GLB1L: variants seen among roughly 807,000 people sequenced by gnomAD.
The protein encoded by GLB1L is beta-galactosidase-1-like protein.
Under a neutral mutation model 75.7 loss-of-function variants are expected in GLB1L, and 58 were observed. The observed-to-expected ratio is 0.77, with a 90% confidence interval of 0.62 to 0.95. The LOEUF (loss-of-function observed/expected upper bound fraction) is 0.95, where lower values mean the gene tolerates loss of function less well. GLB1L is among the 40% of genes least tolerant of loss of function. The pLI, the probability that GLB1L is intolerant of heterozygous loss-of-function variation, is 0.00. For synonymous variants in GLB1L, 296 were observed against 303.0 expected, an observed-to-expected ratio of 0.98 and a Z score of 0.24; for missense variants, 797 against 805.5, an observed-to-expected ratio of 0.99 and a Z score of 0.13.
chr2:219,243,736 GT>G (rs1186549050), intron 1 of GLB1L, 93 bp from the exon 2 acceptor site: 1 of 638,898 alleles, frequency 1.6e-6, no homozygotes, highest in African/African-American at 1.8e-5. Flanking sequence ...TACTCTACTA[GT>G]TTGTAAAATT....
chr2:219,239,944 A>G lies in GLB1L; in HGVS notation c.697T>C (p.Tyr233His). The G allele has an allele frequency of 2.5e-6, 4 of 1,614,162 alleles. No individual in the cohort carries two copies. The highest frequency in any genetic ancestry group is 3.4e-6 in the Non-Finnish European group (4 of 1,180,046). Residue 233 changes from tyrosine (Y) to histidine (H), a missense_variant, in exon 7 of 17, where the codon TAT becomes CAT. Physicochemically the swap from Tyr to His is moderately conservative, Grantham distance 83. Transcript: ENST00000295759. ...GLKCGSLRGL[Y>H]TTVDFGPADN... is the part of the protein sequence containing the mutation. The stretch of plus-strand genomic sequence containing the variant: ...CCTGGGCCAAAATCTACAGTGGTAT[A>G]GAGTCCCCGGAGGGAGCCACACTTG...
Position 219,240,186 on chromosome 2 carries a change from T to C in GLB1L, c.546+5A>G. On this transcript the variant is annotated splice_donor_5th_base_variant and intron_variant, in intron 6 of 16. Transcript: ENST00000295759. ...TCCCCTGCTCCAGTCACTTCCCCCT[T>C]GTACCTGAATGCTAATGATGTTGCC... 5.0e-6 allele frequency: 8 copies of C among 1,613,914 alleles called. No homozygotes were observed. Among genetic ancestry groups the C allele is most frequent in the Non-Finnish European group, 6.8e-6 (8 of 1,179,766 alleles).
intron 16 of GLB1L, 61 bp from the exon 17 acceptor site, chr2:219,237,408 C>A: frequency 6.3e-7 from 1 of 1,598,598 alleles, no homozygotes; most frequent in African/African-American, 1.3e-5. Context: ...GGGGTAGAAT[C>A]ATACCCTTTT....
In GLB1L at chr2:219,239,188, G is replaced by A. The variant is rs760567051; in HGVS notation, c.966C>T (p.Phe322=). ...AGTCATAGCTGGTAGTAATCGGAAGGAAGCGTCCCTTCTTATCGGCACCTG... is the reference window on the plus strand; with the variant it reads ...AGTCATAGCTGGTAGTAATCGGAAGAAAGCGTCCCTTCTTATCGGCACCTG... ...YWNGADKKGR[F]LPITTSYDYD... Residue 322 remains phenylalanine (F), a synonymous_variant, in exon 11 of 17, where the codon TTC becomes TTT. Coordinates refer to ENST00000295759, the MANE Select transcript of GLB1L (RefSeq NM_001286423.2). 2.5e-6 allele frequency: 4 copies of A among 1,613,288 alleles called. No homozygotes were observed. The South Asian group carries it at 3.3e-5, about 13-fold the overall frequency.
Position 219,237,677 on chromosome 2 carries a change from C to G in GLB1L, c.1524G>C (p.Met508Ile). The G allele has an allele frequency of 6.2e-7, 1 of 1,614,226 alleles. No individual in the cohort carries two copies. The highest frequency in any genetic ancestry group is 8.5e-7 in the Non-Finnish European group (1 of 1,180,046). Residue 508 changes from methionine (M) to isoleucine (I), a missense_variant, in exon 16 of 17, where the codon ATG (methionine) becomes ATC (isoleucine). Met to Ile is a conservative substitution (Grantham distance 10). Coordinates refer to ENST00000295759, the MANE Select transcript of GLB1L (RefSeq NM_001286423.2). ...ILGQTILTQWMMFPLKIDNLV... is the reference protein window; with the variant it reads ...ILGQTILTQWIMFPLKIDNLV... ...GGTTATCAATTTTCAGAGGGAACAT[C>G]ATCCACTGGGTAAGGATTGTTTGCC...
Position 219,243,237 on chromosome 2 carries a change from A to C in GLB1L, c.150T>G (p.Ser50=). Residue 50 remains serine, a synonymous_variant, in exon 3 of 17, where the codon TCT becomes TCG. Transcript: ENST00000295759. ...GTACCCGAAAGTAGTGCAGGCTGCC[A>C]GACACATAGCGGAACGGGGCCCCGT... The part of the protein sequence containing the change: ...LLDGAPFRYV[S]GSLHYFRVPR... The C allele has an allele frequency of 6.2e-7, 1 of 1,614,152 alleles. No individual in the cohort carries two copies. Among genetic ancestry groups the C allele is most frequent in the South Asian group, 1.1e-5 (1 of 91,082 alleles).
At chr2:219,238,667 A>C (rs1178702655) in intron 12 of GLB1L, 38 bp downstream of exon 12, 1 of 1,605,754 alleles carries the variant, frequency 6.2e-7, no homozygotes, top group Non-Finnish European at 8.5e-7. Flanking sequence ...TTAGAAAAAA[A>C]AGGTGTGGTA....
At position 219,236,731 on chromosome 2, in the gene GLB1L, C is replaced by T; in HGVS notation, c.*341G>A. ...CCGTGGCCAGCACCAAGGGATCCTG[C>T]CCACTCCATGTCCCAGGTCCAAGGG... On this transcript the variant is annotated 3_prime_UTR_variant, in exon 17 of 17. Transcript: ENST00000295759. The T allele has an allele frequency of 2.3e-6, 1 of 440,248 alleles. No homozygotes were observed. 27.3% of individuals were successfully genotyped at this position (440,248 alleles called of 1,614,324 possible).
rs758638699 is a variant in GLB1L, at chr2:219,237,990, C to G, written c.1342-33G>C. 4 of 1,610,980 alleles carry G rather than the reference C, an allele frequency of 2.5e-6. No homozygotes were observed. The African/African-American group carries it at 5.3e-5, about 22-fold the overall frequency. ...TAGGAGATAGGATAGGAGCAAGGCT[C>G]AGCATCTAGCTCTTAGCCACTGCAT... On this transcript the variant is annotated intron_variant, in intron 14 of 16. Coordinates refer to ENST00000295759, the MANE Select transcript of GLB1L (RefSeq NM_001286423.2).
rs1015791174 is a variant in GLB1L at position 219,243,582 on chromosome 2, C to G, written c.-9G>C. 198 of 1,613,872 alleles carry G rather than the reference C, an allele frequency of 1.2e-4. No homozygotes were observed. The highest frequency in any genetic ancestry group is 1.7e-4 in the Non-Finnish European group (196 of 1,179,862). The stretch of plus-strand genomic sequence containing the variant: ...AGCTTCTTGGGAGCCATGGCGTTTA[C>G]AGCGCTCCTCTAGTCTGAGACGGCG... On this transcript the variant is annotated 5_prime_UTR_variant, in exon 2 of 17. Coordinates refer to ENST00000295759, the MANE Select transcript of GLB1L (RefSeq NM_001286423.2).
Position 219,243,326 on chromosome 2 carries a change from AAG to A in GLB1L, c.73-14_73-13del, listed in dbSNP as rs775639194. On this transcript the variant is annotated splice_polypyrimidine_tract_variant and intron_variant, in intron 2 of 16. Transcript: ENST00000295759. Reference sequence around the variant, plus strand: ...GACCGAGTGTCTGCCTATAAAGAGAAAGAGACGCTGCTCAGCAGACGCCTGGA... The same window carrying A: ...GACCGAGTGTCTGCCTATAAAGAGAAAGACGCTGCTCAGCAGACGCCTGGA... 1.1e-5 allele frequency: 18 copies of A among 1,590,382 alleles called. No individual in the cohort carries two copies. The East Asian group carries it at 3.4e-4, about 30-fold the overall frequency.
Position 219,236,838 on chromosome 2 carries a change from C to A in GLB1L, c.*234G>T. 2.6e-6 allele frequency: 1 copy of A among 390,552 alleles called. No individual in the cohort carries two copies. The highest frequency in any genetic ancestry group is 4.0e-5 in the Admixed American group (1 of 24,950). The allele number at this position is 390,552 out of a possible 1,614,324, so 24.2% of individuals were successfully genotyped here. On this transcript the variant is annotated 3_prime_UTR_variant, in exon 17 of 17. Coordinates refer to ENST00000295759, the MANE Select transcript of GLB1L (RefSeq NM_001286423.2). The stretch of plus-strand genomic sequence containing the variant: ...GGAGTGCAGTGGTACAACCTCCACT[C>A]ACTGCAACCTCTGCCTCCTGGATTC...
rs564988390 is a variant in GLB1L, at chr2:219,238,761, C to T, written c.1081G>A (p.Gly361Arg). ...TTGGGGCTCGGGGGAGGTAAAGGTC[C>T]CAAAGGAACTTCCTGGAACTGAGCC... is the stretch of plus-strand genomic sequence containing the variant. ...VISKFQEVPL[G>R]PLPPPSPKMM... The change falls in exon 12 of 17, where the codon GGA becomes AGA. Residue 361 changes from glycine to arginine, a missense_variant. Transcript: ENST00000295759. 8 of 1,613,610 alleles carry T rather than the reference C, an allele frequency of 5.0e-6. No homozygotes were observed. In the African/African-American group the frequency reaches 8.0e-5, roughly 16 times the overall value.
Position 219,237,565 on chromosome 2 carries a change from G to A in GLB1L, c.1636C>T (p.Pro546Ser). The A allele has an allele frequency of 6.2e-7, 1 of 1,614,170 alleles. No homozygotes were observed. The highest frequency in any genetic ancestry group is 8.5e-7 in the Non-Finnish European group (1 of 1,180,028). ...GTGTCCCCAACTGAGCCTAAAATTGGAAATGTTTTGGAGTAGAATGTGGGG... is the reference window on the plus strand; with the variant it reads ...GTGTCCCCAACTGAGCCTAAAATTGAAAATGTTTTGGAGTAGAATGTGGGG... ...SGPTFYSKTF[P>S]ILGSVGDTFL... The change falls in exon 16 of 17, where the codon CCA (proline) becomes TCA (serine). Residue 546 changes from proline (P) to serine (S), a missense_variant. By Grantham distance (74) the Pro-to-Ser change is moderately conservative (BLOSUM62 -1). Transcript: ENST00000295759.
At chr2:219,237,456 T>C (rs1951277791) in intron 16 of GLB1L, 56 bp downstream of exon 16, 8 of 1,605,726 alleles carry the variant, frequency 5.0e-6, no homozygotes, top group Non-Finnish European at 6.8e-6. Context: ...CTCCCCTCCT[T>C]CTGTGATTTT....
At chr2:219,242,363 C>T in intron 5 of GLB1L, 151 bp downstream of exon 5, 2 of 733,108 alleles carry the variant, frequency 2.7e-6, no homozygotes, top group East Asian at 2.5e-5. Flanking sequence ...TCTGTCTGGT[C>T]CCCCAGTTTC....
At chr2:219,238,081 A>C in intron 14 of GLB1L, 124 bp from the exon 15 acceptor site, 2 of 1,100,038 alleles carry the variant, frequency 1.8e-6, no homozygotes, top group Non-Finnish European at 2.7e-6. Flanking sequence ...TCACCCATCT[A>C]TTCTAGAATT....
chr2:219,238,251 C>T lies in GLB1L; in HGVS notation c.1340G>A (p.Gly447Glu), dbSNP rs1379877177. 3 of 1,591,358 alleles carry T rather than the reference C, an allele frequency of 1.9e-6. No individual in the cohort carries two copies. Among genetic ancestry groups the T allele is most frequent in the Non-Finnish European group, 2.6e-6 (3 of 1,167,454 alleles). The change falls in exon 14 of 17, where the codon GGG becomes GAG. Residue 447 changes from glycine to glutamate, a missense_variant and splice_region_variant. Gly to Glu is a moderately conservative substitution (Grantham distance 98, BLOSUM62 -2). Coordinates refer to ENST00000295759, the MANE Select transcript of GLB1L (RefSeq NM_001286423.2). Reference protein sequence around the residue: ...VHDRAYVMVDGVFQGVVERNM... With the variant: ...VHDRAYVMVDEVFQGVVERNM... Reference sequence around the variant, plus strand: ...CACAGCCTGGAATTAGGTTCTCACCCCATCCACCATCACATAGGCACGGTC... The same window carrying T: ...CACAGCCTGGAATTAGGTTCTCACCTCATCCACCATCACATAGGCACGGTC...
chr2:219,239,668 G>C lies in GLB1L; in HGVS notation c.795C>G (p.Tyr265Ter). 1.2e-6 allele frequency: 2 copies of C among 1,614,204 alleles called. No individual in the cohort carries two copies. Among genetic ancestry groups the C allele is most frequent in the Non-Finnish European group, 1.7e-6 (2 of 1,180,036 alleles). The change falls in exon 9 of 17, where the codon TAC (tyrosine) becomes TAG (stop). Residue 265 changes from tyrosine to a stop codon, truncating the protein, a stop_gained. Coordinates refer to ENST00000295759, the MANE Select transcript of GLB1L (RefSeq NM_001286423.2). LOFTEE classifies it high-confidence loss of function. Reference sequence around the variant, plus strand: ...CCCAGTAATCCAGCCAGCCTGTGTAGTACTCAGAGTTTACCTAGAGTGTGA... The same window carrying C: ...CCCAGTAATCCAGCCAGCCTGTGTACTACTCAGAGTTTACCTAGAGTGTGA... The part of the protein sequence containing the change: ...EPHGPLVNSE[Y>*]YTGWLDYWGQ...
Sources: allele counts gnomAD v4.1 joint callset, GRCh38; gene constraint gnomAD v4.1.1; transcripts MANE v1.5; gene names NCBI Gene and HGNC (gene_info 2026-07-23, HGNC 2026-07-21).